ADAMTS9: variants seen among roughly 807,000 people sequenced by gnomAD.
The protein encoded by ADAMTS9 is ADAM metallopeptidase with thrombospondin type 1 motif 9.
ADAMTS9 carries 107 observed loss-of-function variants against 257.1 expected under a neutral mutation model. That is an observed-to-expected ratio of 0.42 (90% CI 0.36 to 0.49). ADAMTS9 has a LOEUF of 0.49. Ranked by LOEUF, ADAMTS9 falls within the 20% of genes least tolerant of loss-of-function variation. The pLI is 0.03. For synonymous variants in ADAMTS9, 982 were observed against 880.9 expected (o/e 1.11, Z -2.03); for missense variants, 2,353 against 2,469.1 (o/e 0.95, Z 1.00).
At chr3:64,624,601 T>A (rs1700184473) in intron 16 of ADAMTS9, among the ~76,000 whole-genome samples, 1 of 152,194 alleles carries the variant, frequency 6.6e-6, no homozygotes, top group Non-Finnish European at 1.5e-5. Flanking sequence ...TAGAAAGCTT[T>A]TCTAAAATTG....
At chr3:64,545,329 T>C (rs2083182905) in intron 32 of ADAMTS9, among the ~76,000 whole-genome samples, 1 of 152,220 alleles carries the variant, frequency 6.6e-6, no homozygotes, top group South Asian at 2.1e-4. Context: ...TGTGGCACTA[T>C]TCACAATAGC....
At chr3:64,598,216 C>A (rs1046728852) in intron 26 of ADAMTS9, among the ~76,000 whole-genome samples, 1 of 151,896 alleles carries the variant, frequency 6.6e-6, no homozygotes, top group African/African-American at 2.4e-5. Flanking sequence ...TTTATTAGTT[C>A]CTCTTGAGAA....
intron 38 of ADAMTS9, among the ~76,000 whole-genome samples, chr3:64,526,117 T>C (rs2082907370): frequency 6.8e-6 from 1 of 147,870 alleles, no homozygotes; most frequent in South Asian, 2.1e-4. Context: ...ATTATAAATA[T>C]ATTTACTATA....
intron 10 of ADAMTS9, 44 bp downstream of exon 10, chr3:64,649,593 G>A: frequency 1.3e-6 from 2 of 1,556,446 alleles, no homozygotes; most frequent in East Asian, 2.3e-5. Flanking sequence ...AAAAAGAAGT[G>A]CAGAATCAGT....
intron 28 of ADAMTS9, among the ~76,000 whole-genome samples, chr3:64,575,071 G>A (rs2083803594): frequency 6.6e-6 from 1 of 152,084 alleles, no homozygotes; most frequent in Non-Finnish European, 1.5e-5. Context: ...TTTTCTCTTG[G>A]ACATTTTTCA....
intron 18 of ADAMTS9, among the ~76,000 whole-genome samples, chr3:64,621,566 A>G (rs547846860): frequency 6.6e-6 from 1 of 152,196 alleles, no homozygotes; most frequent in South Asian, 2.1e-4. Flanking sequence ...GTTTGAGAAC[A>G]GCCTGGCTAA....
chr3:64,618,531 G>A (rs2106852939), intron 19 of ADAMTS9, among the ~76,000 whole-genome samples: 1 of 152,278 alleles, frequency 6.6e-6, no homozygotes, highest in South Asian at 2.1e-4. Flanking sequence ...GAAAGACCTG[G>A]ATGTGAGTGT....
chr3:64,598,288 C>T (rs2084399592), intron 26 of ADAMTS9, among the ~76,000 whole-genome samples: 1 of 150,064 alleles, frequency 6.7e-6, no homozygotes, highest in Non-Finnish European at 1.5e-5. Flanking sequence ...TTCTGGTATA[C>T]TTACTCTAAA....
intron 28 of ADAMTS9, among the ~76,000 whole-genome samples, chr3:64,574,416 G>C (rs1388908044): frequency 1.3e-5 from 2 of 151,968 alleles, no homozygotes; most frequent in African/African-American, 4.8e-5. Context: ...CAGGAAGCAG[G>C]AGAGTTAGGC....
chr3:64,561,768 CG>C lies in ADAMTS9; in HGVS notation c.4525-18del, dbSNP rs768955715. 7.6e-7 allele frequency: 1 copy of C among 1,322,776 alleles called. No homozygotes were observed. The highest frequency in any genetic ancestry group is 1.0e-6 in the Non-Finnish European group (1 of 992,822). The allele number at this position is 1,322,776 out of a possible 1,614,324, so 81.9% of individuals were successfully genotyped here. A position where few individuals can be genotyped will look rare whatever the true frequency, so the allele number is the denominator to read the frequency against. On this transcript the variant is annotated intron_variant, in intron 29 of 39. Transcript: ENST00000498707. Reference sequence around the variant, plus strand: ...CACAGAGCACTAAGAAGACAGAGAACGTAAGTGGGAGCTTCGGCTCATTTAT... The same window carrying C: ...CACAGAGCACTAAGAAGACAGAGAACTAAGTGGGAGCTTCGGCTCATTTAT...
At chr3:64,642,913 G>T (rs1410518527) in intron 11 of ADAMTS9, among the ~76,000 whole-genome samples, 18 of 152,186 alleles carry the variant, frequency 1.2e-4, no homozygotes, top group Non-Finnish European at 2.4e-4. Context: ...TGCAGGGAAG[G>T]TGGAAAAAGA....
At chr3:64,679,565 A>G (rs1701702952) in intron 3 of ADAMTS9, among the ~76,000 whole-genome samples, 1 of 152,210 alleles carries the variant, frequency 6.6e-6, no homozygotes, top group Non-Finnish European at 1.5e-5. Context: ...TAAAATGTTG[A>G]CCTGTAGCCG....
intron 21 of ADAMTS9, 112 bp downstream of exon 21, chr3:64,615,209 G>T (rs926460210): frequency 7.9e-7 from 1 of 1,260,896 alleles, no homozygotes; most frequent in South Asian, 1.4e-5. Flanking sequence ...AGACAAGGGA[G>T]AAAGGGAGAG....
Position 64,687,681 on chromosome 3 carries a change from C to G in ADAMTS9, c.-24G>C, listed in dbSNP as rs566099401. ...ATGGTGCTTCCCACCCCTCCCTCCGCTGCCCCCACCCCCCTCCCTCCTGCC... is the reference window on the plus strand; with the variant it reads ...ATGGTGCTTCCCACCCCTCCCTCCGGTGCCCCCACCCCCCTCCCTCCTGCC... On this transcript the variant is annotated 5_prime_UTR_variant, in exon 1 of 40. Coordinates refer to ENST00000498707, the MANE Select transcript of ADAMTS9 (RefSeq NM_182920.2). This position sits in a 1 kb window ranked among gnomAD's most constrained non-coding sequence, Gnocchi z 4.4. 304 of 1,462,032 alleles carry G rather than the reference C, an allele frequency of 2.1e-4. No individual in the cohort carries two copies. The highest frequency in any genetic ancestry group is 9.7e-4 in the Middle Eastern group (4 of 4,128). The allele number at this position is 1,462,032 out of a possible 1,614,324, so 90.6% of individuals were successfully genotyped here.
chr3:64,518,000 G>A (rs1248457811), intron 39 of ADAMTS9, among the ~76,000 whole-genome samples: 2 of 152,124 alleles, frequency 1.3e-5, no homozygotes, highest in Non-Finnish European at 2.9e-5. Flanking sequence ...GCGACCATGC[G>A]ACCTAACCAG....
At chr3:64,666,262 A>G (rs547363042) in intron 3 of ADAMTS9, among the ~76,000 whole-genome samples, 2 of 152,320 alleles carry the variant, frequency 1.3e-5, no homozygotes, top group African/African-American at 4.8e-5. Flanking sequence ...GTGGTTACTC[A>G]CTGAAGTGTT....
At chr3:64,566,029 T>A (rs2083537361) in intron 29 of ADAMTS9, among the ~76,000 whole-genome samples, 1 of 152,314 alleles carries the variant, frequency 6.6e-6, no homozygotes, top group East Asian at 1.9e-4. Flanking sequence ...CATCAGACCT[T>A]TCGATGTGAT....
In ADAMTS9 at chr3:64,598,729, C is replaced by G. The variant is rs554922380; in HGVS notation, c.4018-1738G>C. On this transcript the variant is annotated intron_variant, in intron 26 of 39. Transcript: ENST00000498707. ...CCAGAATTTTAAATGTTAGGAAGGG[C>G]CTTTCATGGTATAAATAGATTTGTC... Among the ~76,000 whole-genome samples, 7 of 152,170 alleles carry G rather than the reference C, an allele frequency of 4.6e-5. No individual in the cohort carries two copies. The South Asian group carries it at 1.5e-3, about 32-fold the overall frequency.
chr3:64,621,792 AT>A (rs111687772), intron 18 of ADAMTS9, among the ~76,000 whole-genome samples: 4,316 of 133,372 alleles, frequency 0.032, 249 homozygotes, highest in African/African-American at 0.11. Context: ...AAATAAAAAA[AT>A]AAAAAGAAAA....
Sources: gnomAD v4.1 joint callset for allele counts (sites outside exome capture counted in the v4.1 genomes callset) on GRCh38, gnomAD v4.1.1 for gene constraint, Gnocchi (gnomAD v3.1) non-coding constraint, MANE v1.5 for transcripts, NCBI Gene and HGNC (gene_info 2026-07-23, HGNC 2026-07-21) for gene names.